Variants in SCN1B observed in about 807,000 individuals in gnomAD.
SCN1B encodes the protein sodium voltage-gated channel beta subunit 1, also known as sodium channel regulatory subunit beta-1.
SCN1B carries 11 observed loss-of-function variants against 25.7 expected under a neutral mutation model. The observed-to-expected ratio is 0.43, with a 90% CI of 0.27 to 0.71. SCN1B has a LOEUF of 0.71. Ranked by LOEUF, SCN1B falls within the 30% of genes least tolerant of loss-of-function variation. The pLI is 0.21. For missense variants in SCN1B, 224 were observed against 291.5 expected (o/e 0.77, Z 1.69); for synonymous variants, 119 against 117.5 (o/e 1.01, Z -0.08).
intron 1 of SCN1B, 42 bp downstream of exon 1, chr19:35,030,902 G>C: frequency 2.7e-6 from 1 of 365,768 alleles, no homozygotes; most frequent in South Asian, 1.1e-4. Flanking sequence ...GGCACCGCGG[G>C]GGCACTGGCG....
rs771917643 is a variant in SCN1B, at chr19:35,032,700, C to T, written c.207+6C>T. ...GCACTGAGGAGTTTGTCAAGGTGTG[C>T]GGGTGCCGGGAACGGGCATGGGAGG... On this transcript the variant is annotated splice_donor_region_variant and intron_variant, in intron 2 of 5. Transcript: ENST00000262631. The surrounding 1 kb of genome is among the most constrained non-coding windows in gnomAD (Gnocchi z 4.3). The T allele has an allele frequency of 6.8e-6, 11 of 1,613,292 alleles. No homozygotes were observed. In the Admixed American group the frequency reaches 1.0e-4, roughly 15 times the overall value.
rs2064276135 is a variant in SCN1B, at chr19:35,039,941, G to C, written c.*150G>C. The C allele has an allele frequency of 1.7e-6, 1 of 586,126 alleles. No individual in the cohort carries two copies. Among genetic ancestry groups the C allele is most frequent in the Admixed American group, 3.0e-5 (1 of 33,348 alleles). 36.3% of individuals were successfully genotyped at this position (586,126 alleles called of 1,614,324 possible). A position where few individuals can be genotyped will look rare whatever the true frequency, so the allele number is the denominator to read the frequency against. On this transcript the variant is annotated 3_prime_UTR_variant, in exon 6 of 6. Transcript: ENST00000262631. ...AGCCACTGGGGTGGGAGGGGGCAGGGGGCTTGGCTCGCACCCCCACTTTCG... is the reference window on the plus strand; with the variant it reads ...AGCCACTGGGGTGGGAGGGGGCAGGCGGCTTGGCTCGCACCCCCACTTTCG...
intron 2 of SCN1B, among the ~76,000 whole-genome samples, chr19:35,033,103 C>T (rs2064224656): frequency 6.6e-6 from 1 of 152,068 alleles, no homozygotes; most frequent in African/African-American, 2.4e-5. Flanking sequence ...CATTATATAT[C>T]GGTGAGGGAA....
chr19:35,034,166 G>A, intron 3 of SCN1B: 2 of 1,548,542 alleles, frequency 1.3e-6, no homozygotes, highest in Non-Finnish European at 1.7e-6. Context: ...TTCCAGCAGA[G>A]CCTTGCAGGT....
chr19:35,037,814 C>G (rs1054463119), intron 3 of SCN1B: 1 of 151,184 alleles, frequency 6.6e-6, no homozygotes, highest in Non-Finnish European at 1.5e-5. Flanking sequence ...AAAAAATTCA[C>G]CTGGCCTAGT....
At position 35,030,789 on chromosome 19, in the gene SCN1B, C is replaced by T; in HGVS notation, c.-32C>T. On this transcript the variant is annotated 5_prime_UTR_variant, in exon 1 of 6. Coordinates refer to ENST00000262631, the MANE Select transcript of SCN1B (RefSeq NM_001037.5). ...CGCCCCGCTATTAATACCGGCGGCC[C>T]GGGAGGGGGGCGCAGCACGCGCCGC... 2 of 979,352 alleles carry T rather than the reference C, an allele frequency of 2.0e-6. No individual in the cohort carries two copies. The highest frequency in any genetic ancestry group is 4.0e-4 in the Middle Eastern group (1 of 2,520). 60.7% of individuals were successfully genotyped at this position (979,352 alleles called of 1,614,324 possible).
chr19:35,039,352 G>A (rs774709794), intron 4 of SCN1B, 94 bp downstream of exon 4: 6 of 1,560,548 alleles, frequency 3.8e-6, no homozygotes, highest in Non-Finnish European at 5.2e-6. Context: ...GGAGGCAGCG[G>A]AGCGGCCCAG....
chr19:35,033,910 C>A lies in SCN1B; in HGVS notation c.448+171C>A, dbSNP rs749966535. On this transcript the variant is annotated intron_variant, in intron 3 of 5. Transcript: ENST00000262631. ...CCCCTCCTGCCCACTCCAGCTCTGG[C>A]CTCTGTTTCTCTCCAGCCCACGGAG... 1 of 1,577,466 alleles carries A rather than the reference C, an allele frequency of 6.3e-7. No individual in the cohort carries two copies.
chr19:35,031,300 T>A (rs1398090133), intron 1 of SCN1B: 3 of 145,974 alleles, frequency 2.1e-5, no homozygotes, highest in African/African-American at 7.8e-5. Context: ...ACCGGAGTGG[T>A]CCGCTGGGAT....
In SCN1B at chr19:35,032,467, G is replaced by A; in HGVS notation, c.41-61G>A. On this transcript the variant is annotated intron_variant, in intron 1 of 5. Transcript: ENST00000262631. This position sits in a 1 kb window ranked among gnomAD's most constrained non-coding sequence, Gnocchi z 4.3. ...AGGGGGGAACAGATGGTTTGTGAGG[G>A]GTCTGGCATTGCTTAGGGCAATGGG... 6.3e-7 allele frequency: 1 copy of A among 1,587,806 alleles called. No individual in the cohort carries two copies. The highest frequency in any genetic ancestry group is 8.6e-7 in the Non-Finnish European group (1 of 1,162,410).
At chr19:35,034,122 A>C (rs2064233878) in intron 3 of SCN1B, 2 of 1,551,338 alleles carry the variant, frequency 1.3e-6, no homozygotes, top group East Asian at 2.4e-5. Context: ...CATGGGGTTC[A>C]TGAGGATTGA....
rs1243273547 is a variant in SCN1B, at chr19:35,039,419, G to A, written c.590+161G>A. 2.7e-6 allele frequency: 3 copies of A among 1,108,928 alleles called. No individual in the cohort carries two copies. In the African/African-American group the frequency reaches 4.6e-5, roughly 17 times the overall value. 68.7% of individuals were successfully genotyped at this position (1,108,928 alleles called of 1,614,324 possible). On this transcript the variant is annotated intron_variant, in intron 4 of 5. Transcript: ENST00000262631. ...GTGCTCCCTGTCAGACACAGGATAG[G>A]GGTCGTCAGACCCAGCCCCTTCCTC... is the stretch of plus-strand genomic sequence containing the variant.
At chr19:35,030,949 G>A (rs1457990831) in intron 1 of SCN1B, 89 bp downstream of exon 1, 4 of 216,714 alleles carry the variant, frequency 1.8e-5, no homozygotes, top group African/African-American at 4.7e-5. Context: ...CGGGGCAGCC[G>A]CGCGAGGGCC....
intron 2 of SCN1B, 75 bp from the exon 3 acceptor site, chr19:35,033,423 CA>C: frequency 1.2e-6 from 2 of 1,605,192 alleles, no homozygotes; most frequent in Non-Finnish European, 8.5e-7. Context: ...GGTGTCAGGG[CA>C]GGGGACAGAA....
rs2064276036 is a variant in SCN1B, at chr19:35,039,931, AG to A, written c.*145del. Reference sequence around the variant, plus strand: ...CTGCCGACGGAGCCACTGGGGTGGGAGGGGGCAGGGGGCTTGGCTCGCACCC... The same window carrying A: ...CTGCCGACGGAGCCACTGGGGTGGGAGGGGCAGGGGGCTTGGCTCGCACCC... On this transcript the variant is annotated 3_prime_UTR_variant, in exon 6 of 6. Transcript: ENST00000262631. 1 of 587,912 alleles carries A rather than the reference AG, an allele frequency of 1.7e-6. No individual in the cohort carries two copies. The highest frequency in any genetic ancestry group is 3.0e-5 in the Admixed American group (1 of 33,438). 36.4% of individuals were successfully genotyped at this position (587,912 alleles called of 1,614,324 possible).
Position 35,033,829 on chromosome 19 carries a change from C to T in SCN1B, c.448+90C>T, listed in dbSNP as rs781079912. 6.2e-7 allele frequency: 1 copy of T among 1,612,616 alleles called. No individual in the cohort carries two copies. The highest frequency in any genetic ancestry group is 1.7e-5 in the Admixed American group (1 of 60,004). On this transcript the variant is annotated intron_variant, in intron 3 of 5. Transcript: ENST00000262631. ...GCAGGCAGTGGACAGGACAGGCTGGCTCTGTGCCTGGCCAGCCAACCGCCC... is the reference window on the plus strand; with the variant it reads ...GCAGGCAGTGGACAGGACAGGCTGGTTCTGTGCCTGGCCAGCCAACCGCCC...
intron 3 of SCN1B, 135 bp from the exon 4 acceptor site, chr19:35,038,982 G>T (rs927424653): frequency 9.5e-7 from 1 of 1,049,234 alleles, no homozygotes; most frequent in Non-Finnish European, 1.5e-6. Context: ...CCAAGGCTGG[G>T]TATTAATAAT....
intron 3 of SCN1B, chr19:35,034,282 C>T (rs1166797707): frequency 9.5e-7 from 1 of 1,057,396 alleles, no homozygotes; most frequent in African/African-American, 1.6e-5. Flanking sequence ...CCGCACACCC[C>T]TCTGCACTCC....
chr19:35,040,035 C>G lies in SCN1B; in HGVS notation c.*244C>G. The G allele has an allele frequency of 2.6e-6, 1 of 384,688 alleles. No individual in the cohort carries two copies. Among genetic ancestry groups the G allele is most frequent in the Non-Finnish European group, 4.9e-6 (1 of 204,024 alleles). The allele number at this position is 384,688 out of a possible 1,614,324, so 23.8% of individuals were successfully genotyped here. A position where few individuals can be genotyped will look rare whatever the true frequency, so the allele number is the denominator to read the frequency against. On this transcript the variant is annotated 3_prime_UTR_variant, in exon 6 of 6. Transcript: ENST00000262631. ...GATGGGTAAAGCAATACTGCCGCTG[C>G]CCCCACCCTGCTTCTGCTGCCTGTT...
Sources: gnomAD v4.1 joint callset for allele counts (sites outside exome capture counted in the v4.1 genomes callset) on GRCh38, gnomAD v4.1.1 for gene constraint, Gnocchi (gnomAD v3.1) non-coding constraint, MANE v1.5 for transcripts, NCBI Gene and HGNC (gene_info 2026-07-23, HGNC 2026-07-21) for gene names.